ANK3: variants seen among roughly 807,000 people sequenced by gnomAD.
The protein encoded by ANK3 is ankyrin 3.
ANK3 carries 57 observed loss-of-function variants against 370.9 expected under a neutral mutation model. That is an observed-to-expected ratio of 0.15 (90% CI 0.12 to 0.19). The LOEUF is 0.19. ANK3 is among the 10% of genes least tolerant of loss of function. The pLI is 1.00. For missense variants in ANK3, 4,439 were observed against 5,302.1 expected, an observed-to-expected ratio of 0.84 and a Z score of 5.06; for synonymous variants, 1,929 against 1,946.3, an observed-to-expected ratio of 0.99 and a Z score of 0.23.
In ANK3 at chr10:60,263,192, C is replaced by T. The variant is rs116023009; in HGVS notation, c.699+643G>A. Among the ~76,000 whole-genome samples, 573 of 152,182 alleles carry T rather than the reference C, an allele frequency of 3.8e-3. 5 individuals are homozygous for T. The highest frequency in any genetic ancestry group is 0.017 in the Middle Eastern group (5 of 294). ...GAAGCAAAGAGGAGGAAAAAATGAA[C>T]GGTTAGTTCACTATTGGTGATATGG... On this transcript the variant is annotated intron_variant, in intron 6 of 43. Transcript: ENST00000280772.
intron 1 of ANK3, among the ~76,000 whole-genome samples, chr10:60,623,737 A>G (rs1247349089): frequency 6.6e-6 from 1 of 152,182 alleles, no homozygotes; most frequent in Non-Finnish European, 1.5e-5. Context: ...TTGCCCAAAG[A>G]GAGGTCTGGT....
rs769842155 is a variant in ANK3 at position 60,279,659 on chromosome 10, C to T, written c.115-20G>A. On this transcript the variant is annotated intron_variant, in intron 1 of 43. Coordinates refer to ENST00000280772, the MANE Select transcript of ANK3 (RefSeq NM_020987.5). ...ATCAGACTAAAATAAAAAAGAAACACATTTTGATGAAAAATGAAGCTAATA... is the reference window on the plus strand; with the variant it reads ...ATCAGACTAAAATAAAAAAGAAACATATTTTGATGAAAAATGAAGCTAATA... The T allele has an allele frequency of 2.4e-5, 38 of 1,590,204 alleles. No individual in the cohort carries two copies. In the South Asian group the frequency reaches 4.0e-4, roughly 17 times the overall value.
At chr10:60,082,506 T>G in intron 34 of ANK3, 109 bp downstream of exon 34, 1 of 1,431,396 alleles carries the variant, frequency 7.0e-7, no homozygotes. Flanking sequence ...CTAATACAAC[T>G]TCAGTTTCAA....
At chr10:60,609,613 T>C (rs942296617) in intron 2 of ANK3, among the ~76,000 whole-genome samples, 4 of 151,914 alleles carry the variant, frequency 2.6e-5, no homozygotes, top group African/African-American at 7.3e-5. Flanking sequence ...TGAGATAATA[T>C]GACAGAATAT....
chr10:60,316,101 T>C (rs7079856), intron 1 of ANK3, among the ~76,000 whole-genome samples: 88,334 of 151,916 alleles, frequency 0.58, 26,263 homozygotes, highest in South Asian at 0.78. Flanking sequence ...CCACAGCTTC[T>C]GTGGAGAGAG....
intron 1 of ANK3, among the ~76,000 whole-genome samples, chr10:60,671,569 C>A (rs1261400170): frequency 1.3e-5 from 2 of 152,170 alleles, no homozygotes; most frequent in Non-Finnish European, 2.9e-5. Context: ...TGTAAGTGTT[C>A]CCCTGGCAGG....
chr10:60,099,774 T>C (rs1420457305), intron 28 of ANK3, among the ~76,000 whole-genome samples: 1 of 152,108 alleles, frequency 6.6e-6, no homozygotes, highest in Non-Finnish European at 1.5e-5. Flanking sequence ...ATCAATAACC[T>C]CGCATGAGCA....
chr10:60,532,479 C>A (rs201201398), intron 2 of ANK3, among the ~76,000 whole-genome samples: 14,484 of 152,194 alleles, frequency 0.095, 690 homozygotes, highest in East Asian at 0.16. Context: ...GGATCAAGTT[C>A]ACACACAAGA....
chr10:60,048,928 TTA>T (rs1367540637), intron 42 of ANK3, among the ~76,000 whole-genome samples: 7 of 152,212 alleles, frequency 4.6e-5, no homozygotes, highest in African/African-American at 1.7e-4. Flanking sequence ...CATTCCCATT[TTA>T]TGTTTTTGAC....
intron 2 of ANK3, among the ~76,000 whole-genome samples, chr10:60,568,841 T>C (rs555942236): frequency 8.7e-4 from 132 of 152,274 alleles, no homozygotes; most frequent in African/African-American, 2.8e-3. Flanking sequence ...ATAGGATTGC[T>C]GGTCATAAAA....
intron 10 of ANK3, among the ~76,000 whole-genome samples, chr10:60,206,237 C>G (rs975440557): frequency 2.0e-5 from 3 of 152,156 alleles, no homozygotes; most frequent in African/African-American, 7.2e-5. Context: ...CTTTGGGAGG[C>G]TGAGGTGGGT....
At chr10:60,240,064 T>TACATATATAC (rs2097407461) in intron 7 of ANK3, among the ~76,000 whole-genome samples, 6 of 68,002 alleles carry the variant, frequency 8.8e-5, no homozygotes, top group African/African-American at 2.1e-4. Flanking sequence ...TACACATATA[T>TACATATATAC]ACATATATAT....
At chr10:60,619,816 A>T (rs576932911) in intron 1 of ANK3, among the ~76,000 whole-genome samples, 3 of 152,324 alleles carry the variant, frequency 2.0e-5, no homozygotes, top group South Asian at 2.1e-4. Context: ...ACTGATGCCT[A>T]CAGTCTCCAG....
At chr10:60,203,540 C>A (rs775870750) in intron 11 of ANK3, among the ~76,000 whole-genome samples, 1 of 152,220 alleles carries the variant, frequency 6.6e-6, no homozygotes, top group African/African-American at 2.4e-5. Context: ...AGAGGATTCC[C>A]ATTTATGTCA....
chr10:60,169,364 G>GTTTT (rs71015773), intron 21 of ANK3, among the ~76,000 whole-genome samples: 658 of 51,792 alleles, frequency 0.013, 8 homozygotes, highest in Non-Finnish European at 0.021. Flanking sequence ...TTGTCTCATA[G>GTTTT]TTTTTTTTTT....
chr10:60,210,513 C>T (rs574332209), intron 9 of ANK3, among the ~76,000 whole-genome samples: 17 of 152,146 alleles, frequency 1.1e-4, no homozygotes, highest in Non-Finnish European at 1.9e-4. Context: ...GGAGCAAAAC[C>T]GGAGGAGATG....
chr10:60,231,293 T>A (rs2097240135), intron 8 of ANK3, among the ~76,000 whole-genome samples: 1 of 152,186 alleles, frequency 6.6e-6, no homozygotes, highest in Non-Finnish European at 1.5e-5. Flanking sequence ...AGAATCTTCT[T>A]TTAAACTGAA....
At chr10:60,550,359 T>C (rs1162588612) in intron 2 of ANK3, among the ~76,000 whole-genome samples, 1 of 151,940 alleles carries the variant, frequency 6.6e-6, no homozygotes, top group Non-Finnish European at 1.5e-5. Context: ...GTGTGATTCC[T>C]TTAAAGCTTG....
intron 2 of ANK3, among the ~76,000 whole-genome samples, chr10:60,495,796 A>AT (rs1433696207): frequency 6.6e-6 from 1 of 152,156 alleles, no homozygotes; most frequent in Non-Finnish European, 1.5e-5. Context: ...GAGTTAAAAG[A>AT]TGTCAGCCCT....
Sources: gnomAD v4.1 joint callset for allele counts (sites outside exome capture counted in the v4.1 genomes callset) on GRCh38, gnomAD v4.1.1 for gene constraint, MANE v1.5 for transcripts, NCBI Gene and HGNC (gene_info 2026-07-23, HGNC 2026-07-21) for gene names.